Variants in TRPC5 observed in about 807,000 individuals in gnomAD.
TRPC5 encodes transient receptor potential cation channel subfamily C member 5.
TRPC5 carries 9 observed loss-of-function variants against 56.5 expected under a neutral mutation model. The ratio of observed to expected loss-of-function variants is 0.16; its 90% CI spans 0.10 to 0.28. TRPC5 has a LOEUF of 0.28. Among genes scored for constraint, TRPC5 ranks in the 10% least tolerant of loss-of-function variants. The pLI is 1.00. For missense variants in TRPC5, 469 were observed against 748.9 expected (o/e 0.63, Z 4.36); for synonymous variants, 282 against 278.5 (o/e 1.01, Z -0.13).
At chrX:111,919,361 C>G (rs1172144186) in intron 2 of TRPC5, among the ~76,000 whole-genome samples, 2 of 111,903 alleles carry the variant, frequency 1.8e-5, no homozygotes, top group African/African-American at 6.5e-5. Context: ...CGCTCGGGTC[C>G]CCTTCCATGC....
At chrX:111,905,039 G>T (rs1357230895) in intron 3 of TRPC5, among the ~76,000 whole-genome samples, 14 of 108,483 alleles carry the variant, frequency 1.3e-4, no homozygotes, top group African/African-American at 4.7e-4. Context: ...TAATAATGAG[G>T]AAAAAACAAT....
At chrX:111,857,047 C>T (rs1923259272) in intron 3 of TRPC5, among the ~76,000 whole-genome samples, 2 of 111,072 alleles carry the variant, frequency 1.8e-5, no homozygotes, top group African/African-American at 3.3e-5. Context: ...GGATTAAGAT[C>T]AGTTACTACA....
chrX:111,789,862 C>T (rs1946004010), intron 7 of TRPC5, among the ~76,000 whole-genome samples: 1 of 112,434 alleles, frequency 8.9e-6, no homozygotes, highest in Non-Finnish European at 1.9e-5. Flanking sequence ...CAATAAGATA[C>T]CATCTCATGC....
At chrX:112,017,159 G>A (rs753604441) in intron 1 of TRPC5, among the ~76,000 whole-genome samples, 88 of 111,227 alleles carry the variant, frequency 7.9e-4, no homozygotes, top group South Asian at 1.1e-3. Context: ...GACTACAGGC[G>A]TGTGCCACCA....
chrX:111,991,508 A>G (rs1379494103), intron 1 of TRPC5, among the ~76,000 whole-genome samples: 1 of 106,042 alleles, frequency 9.4e-6, no homozygotes, highest in Admixed American at 9.7e-5. Context: ...TGTTCATACA[A>G]TCCTTCACCA....
Position 111,912,600 on chromosome X carries a change from C to A in TRPC5, c.591G>T (p.Leu197=). The change falls in exon 3 of 11, where the codon CTG becomes CTT. Residue 197 remains leucine (L), a synonymous_variant. Coordinates refer to ENST00000262839, the MANE Select transcript of TRPC5 (RefSeq NM_012471.3). ...VDSLRHSRSR[L]NIYKALASPS... ...GGCTTGCCAGAGCCTTATAGATGTT[C>A]AGTCGGGAGCGAGAGTGGCGCAGGC... 8.3e-7 allele frequency: 1 copy of A among 1,211,441 alleles called. No homozygotes were observed. The highest frequency in any genetic ancestry group is 1.1e-6 in the Non-Finnish European group (1 of 895,464).
At position 111,773,195 on chromosome X, in the gene TRPC5, C is replaced by G. The variant is rs1048685151; in HGVS notation, c.*3118G>C. ...AGCGTAACTTGAAGCATTTATATCT[C>G]TGTAAAGTTTGGCATTTTCCGAAAA... On this transcript the variant is annotated 3_prime_UTR_variant, in exon 11 of 11. Transcript: ENST00000262839. Among the ~76,000 whole-genome samples the G allele has an allele frequency of 3.6e-5, 4 of 111,882 alleles. No individual in the cohort carries two copies. Among genetic ancestry groups the G allele is most frequent in the African/African-American group, 9.7e-5 (3 of 30,802 alleles).
chrX:112,040,780 T>G (rs1478974133), intron 1 of TRPC5, among the ~76,000 whole-genome samples: 1 of 111,950 alleles, frequency 8.9e-6, no homozygotes, highest in African/African-American at 3.2e-5. Context: ...CCCTTAATTA[T>G]CTCACAGGTT....
intron 2 of TRPC5, among the ~76,000 whole-genome samples, chrX:111,943,550 C>T (rs1041494675): frequency 2.7e-5 from 3 of 112,338 alleles, no homozygotes; most frequent in Non-Finnish European, 5.6e-5. Context: ...GAGCCATCTG[C>T]CACAGACAAA....
intron 1 of TRPC5, among the ~76,000 whole-genome samples, chrX:112,005,620 G>A (rs543924764): frequency 5.4e-5 from 6 of 111,001 alleles, no homozygotes; most frequent in African/African-American, 2.0e-4. Flanking sequence ...TGTTCTAAGA[G>A]AAGTATAAAG....
At chrX:111,876,139 A>G (rs965339449) in intron 3 of TRPC5, 3 of 111,087 alleles carry the variant, frequency 2.7e-5, no homozygotes, top group African/African-American at 6.5e-5. Flanking sequence ...AATTATGTAG[A>G]CGGAAGAGGA....
intron 7 of TRPC5, among the ~76,000 whole-genome samples, chrX:111,822,714 T>G (rs1050170303): frequency 1.8e-5 from 2 of 112,383 alleles, no homozygotes; most frequent in African/African-American, 6.5e-5. Flanking sequence ...AGTTTATTCA[T>G]TTATCCATAC....
chrX:112,059,305 C>A (rs982818176), intron 1 of TRPC5, among the ~76,000 whole-genome samples: 1 of 111,823 alleles, frequency 8.9e-6, no homozygotes, highest in African/African-American at 3.3e-5. Flanking sequence ...TGGTGCTATT[C>A]TATGCACAAC....
intron 3 of TRPC5, among the ~76,000 whole-genome samples, chrX:111,867,234 C>T (rs1569526841): frequency 9.0e-6 from 1 of 111,635 alleles, no homozygotes; most frequent in Non-Finnish European, 1.9e-5. Context: ...AGCCCACACC[C>T]CTTTGATCTC....
intron 3 of TRPC5, among the ~76,000 whole-genome samples, chrX:111,897,301 T>C (rs943141413): frequency 9.0e-6 from 1 of 111,658 alleles, no homozygotes; most frequent in African/African-American, 3.2e-5. Context: ...AATGTGACAA[T>C]TTATTAGAAA....
chrX:111,986,337 A>T (rs941850675), intron 1 of TRPC5, among the ~76,000 whole-genome samples: 1 of 109,500 alleles, frequency 9.1e-6, no homozygotes, highest in East Asian at 2.8e-4. Context: ...CATTATCCCA[A>T]ATTCTTAATA....
intron 1 of TRPC5, among the ~76,000 whole-genome samples, chrX:111,968,972 T>TAATAA (rs574801408): frequency 0.045 from 4,171 of 93,442 alleles, 101 homozygotes; most frequent in African/African-American, 0.07. Context: ...ACTTAAAGTA[T>TAATAA]AATAAAATAA....
chrX:112,035,194 C>A (rs1025873113), intron 1 of TRPC5, among the ~76,000 whole-genome samples: 1 of 109,194 alleles, frequency 9.2e-6, no homozygotes, highest in Admixed American at 9.8e-5. Context: ...GTCATACTTA[C>A]CTGTTTCTCT....
chrX:111,795,413 C>CAAAA (rs1303164890), intron 7 of TRPC5, among the ~76,000 whole-genome samples: 1 of 110,345 alleles, frequency 9.1e-6, no homozygotes, highest in African/African-American at 3.3e-5. Flanking sequence ...TGATCATGGG[C>CAAAA]TTTTTCTTGT....
Sources: allele counts gnomAD v4.1 joint callset (sites outside exome capture counted in the v4.1 genomes callset), GRCh38; gene constraint gnomAD v4.1.1; transcripts MANE v1.5; gene names NCBI Gene and HGNC (gene_info 2026-07-23, HGNC 2026-07-21).